The following DLG2 variants were observed in gnomAD, a reference collection of about 807,000 sequenced individuals.
The protein encoded by DLG2 is discs large MAGUK scaffold protein 2, also known as disks large homolog 2.
Under a neutral mutation model 132.5 loss-of-function variants are expected in DLG2, and 45 were observed. That is an observed-to-expected ratio of 0.34 (90% confidence interval 0.27 to 0.44). The LOEUF (loss-of-function observed/expected upper bound fraction) is 0.44. Ranked by LOEUF, DLG2 falls within the 20% of genes least tolerant of loss-of-function variation. The pLI is 1.00. For synonymous variants in DLG2, 424 were observed against 419.6 expected (o/e 1.01, Z -0.13); for missense variants, 1,045 against 1,196.9 (o/e 0.87, Z 1.87).
Position 84,788,384 on chromosome 11 carries a change from A to G in DLG2, c.358-253653T>C, listed in dbSNP as rs550415450. ...CAAAAACTACTTACTGAATAAATAA[A>G]GTAGGTATGCGCTACTTTCAGAAAT... On this transcript the variant is annotated intron_variant, in intron 6 of 27. Transcript: ENST00000376104. 1.5e-4 allele frequency among the ~76,000 whole-genome samples: 23 copies of G among 152,226 alleles called. No individual in the cohort carries two copies. In the South Asian group the frequency reaches 4.1e-3, roughly 27 times the overall value.
chr11:85,074,306 A>T (rs891005479), intron 6 of DLG2, among the ~76,000 whole-genome samples: 3 of 151,868 alleles, frequency 2.0e-5, no homozygotes, highest in African/African-American at 7.2e-5. Context: ...AAAACTTCTC[A>T]GACACACTTT....
intron 15 of DLG2, among the ~76,000 whole-genome samples, chr11:83,903,196 T>C (rs1340878911): frequency 6.6e-5 from 10 of 152,078 alleles, no homozygotes; most frequent in Admixed American, 6.6e-4. Flanking sequence ...GAGCTTTAAA[T>C]TTGATGATCT....
intron 14 of DLG2, among the ~76,000 whole-genome samples, chr11:83,955,662 A>G (rs992516868): frequency 6.6e-6 from 1 of 152,172 alleles, no homozygotes; most frequent in African/African-American, 2.4e-5. Flanking sequence ...AGGCTCAGTC[A>G]ATAATTAGTG....
intron 6 of DLG2, among the ~76,000 whole-genome samples, chr11:85,042,485 A>T (rs2061963248): frequency 6.6e-6 from 1 of 152,032 alleles, no homozygotes; most frequent in Non-Finnish European, 1.5e-5. Flanking sequence ...TGGGTTAATT[A>T]ATCTGCTTAA....
intron 7 of DLG2, among the ~76,000 whole-genome samples, chr11:84,433,021 C>G (rs923165255): frequency 1.3e-5 from 2 of 151,780 alleles, no homozygotes; most frequent in Non-Finnish European, 2.9e-5. Context: ...GAGGCCCTGT[C>G]AAAAAAATTC....
chr11:83,757,242 G>A (rs1251780385), intron 18 of DLG2, among the ~76,000 whole-genome samples: 1 of 152,238 alleles, frequency 6.6e-6, no homozygotes, highest in Non-Finnish European at 1.5e-5. Context: ...TCAGAGGTCA[G>A]TCTGACTCCA....
At chr11:85,473,175 G>A (rs1310733367) in intron 3 of DLG2, among the ~76,000 whole-genome samples, 2 of 152,240 alleles carry the variant, frequency 1.3e-5, no homozygotes, top group Admixed American at 6.5e-5. Context: ...CTTGCCCTTG[G>A]TGGGCCTGAG....
chr11:83,944,613 A>C (rs2154141592), intron 14 of DLG2, among the ~76,000 whole-genome samples: 1 of 152,346 alleles, frequency 6.6e-6, no homozygotes. Context: ...TTTTAGAAAG[A>C]CTAGCAATAG....
chr11:84,933,870 T>C (rs549292571), intron 6 of DLG2, among the ~76,000 whole-genome samples: 1 of 152,228 alleles, frequency 6.6e-6, no homozygotes, highest in Non-Finnish European at 1.5e-5. Flanking sequence ...TCTTTCCTCA[T>C]TGCCCTGGCA....
In DLG2 at chr11:85,015,412, TAA is replaced by T. The variant is rs5793152; in HGVS notation, c.357+96247_357+96248del. Among the ~76,000 whole-genome samples, 635 of 141,558 alleles carry T rather than the reference TAA, an allele frequency of 4.5e-3. 8 individuals are homozygous for T. The highest frequency in any genetic ancestry group is 0.012 in the African/African-American group (467 of 38,658). 92.9% of individuals were successfully genotyped at this position (141,558 alleles called of 152,430 possible). The stretch of plus-strand genomic sequence containing the variant: ...CAGTAGGAGATTAGCCAGTGTTATT[TAA>T]AAAAAAAAAAAAAAACTTGGCAAAA... On this transcript the variant is annotated intron_variant, in intron 6 of 27. Transcript: ENST00000376104.
intron 4 of DLG2, among the ~76,000 whole-genome samples, chr11:85,264,539 T>C (rs1471699717): frequency 6.6e-6 from 1 of 152,110 alleles, no homozygotes; most frequent in Non-Finnish European, 1.5e-5. Flanking sequence ...TGATTGAAAA[T>C]GGTTAATACT....
At chr11:84,929,552 G>A (rs978191322) in intron 6 of DLG2, among the ~76,000 whole-genome samples, 5 of 152,006 alleles carry the variant, frequency 3.3e-5, no homozygotes, top group African/African-American at 4.8e-5. Flanking sequence ...GCTACACAAA[G>A]CTTAAAAGCA....
chr11:84,333,082 A>G (rs1180922178), intron 7 of DLG2, among the ~76,000 whole-genome samples: 1 of 152,150 alleles, frequency 6.6e-6, no homozygotes, highest in African/African-American at 2.4e-5. Context: ...GACTTTCCCT[A>G]TCCATTGCCT....
intron 6 of DLG2, among the ~76,000 whole-genome samples, chr11:84,982,040 C>A (rs1289560390): frequency 6.6e-6 from 1 of 152,024 alleles, no homozygotes; most frequent in Admixed American, 6.5e-5. Flanking sequence ...TACCCTTTAC[C>A]TTCCACAGTA....
chr11:84,887,271 A>C (rs2088498607), intron 6 of DLG2: 1 of 152,132 alleles, frequency 6.6e-6, no homozygotes, highest in African/African-American at 2.4e-5. Flanking sequence ...GTGAGGTTAT[A>C]ATTAAAAATG....
At chr11:84,104,697 C>A (rs2092781069) in intron 9 of DLG2, among the ~76,000 whole-genome samples, 1 of 151,890 alleles carries the variant, frequency 6.6e-6, no homozygotes, top group African/African-American at 2.4e-5. Context: ...TTTAAAATGA[C>A]TTAATTTTAA....
intron 7 of DLG2, among the ~76,000 whole-genome samples, chr11:84,511,652 C>T (rs1191675981): frequency 6.6e-6 from 1 of 152,100 alleles, no homozygotes. Flanking sequence ...TGAATGCTAA[C>T]ATCAAAAACA....
intron 6 of DLG2, among the ~76,000 whole-genome samples, chr11:84,741,449 T>G (rs778156411): frequency 5.3e-5 from 8 of 151,982 alleles, no homozygotes; most frequent in Non-Finnish European, 8.8e-5. Flanking sequence ...CACGTACCCT[T>G]GATCTAAGAA....
At chr11:84,207,635 A>G (rs1424630916) in intron 8 of DLG2, among the ~76,000 whole-genome samples, 1 of 152,186 alleles carries the variant, frequency 6.6e-6, no homozygotes, top group Non-Finnish European at 1.5e-5. Context: ...CACAACAAGT[A>G]TTTTGTGATG....
Sources: gnomAD v4.1 joint callset for allele counts (sites outside exome capture counted in the v4.1 genomes callset) on GRCh38, gnomAD v4.1.1 for gene constraint, MANE v1.5 for transcripts, NCBI Gene and HGNC (gene_info 2026-07-23, HGNC 2026-07-21) for gene names.